Variants in RPS6KA2 observed in about 807,000 individuals in gnomAD.
The protein encoded by RPS6KA2 is ribosomal protein S6 kinase alpha-2.
RPS6KA2 carries 42 observed loss-of-function variants against 91.8 expected under a neutral mutation model. The observed-to-expected ratio is 0.46, with a 90% CI of 0.36 to 0.59. The LOEUF is 0.59. Ranked by LOEUF, RPS6KA2 falls within the 20% of genes least tolerant of loss-of-function variation. The pLI, the probability that RPS6KA2 is intolerant of heterozygous loss-of-function variation, is 0.00. For synonymous variants in RPS6KA2, 414 were observed against 393.6 expected (o/e 1.05, Z -0.61); for missense variants, 798 against 978.5 (o/e 0.82, Z 2.46).
At chr6:166,841,377 G>T (rs542333517) in intron 2 of RPS6KA2, among the ~76,000 whole-genome samples, 1 of 152,392 alleles carries the variant, frequency 6.6e-6, no homozygotes, top group East Asian at 1.9e-4. Flanking sequence ...TTCTTGCCAT[G>T]CTGAGCCAGG....
intron 16 of RPS6KA2, among the ~76,000 whole-genome samples, chr6:166,429,342 A>G (rs1383752941): frequency 6.6e-6 from 1 of 151,158 alleles, no homozygotes; most frequent in Non-Finnish European, 1.5e-5. Flanking sequence ...ATGCTAAATG[A>G]CGAGTTAATG....
chr6:166,610,517 T>A (rs1416625991), intron 1 of RPS6KA2, among the ~76,000 whole-genome samples: 1 of 152,240 alleles, frequency 6.6e-6, no homozygotes, highest in Non-Finnish European at 1.5e-5. Flanking sequence ...CACTTAAATA[T>A]GCATTTAGCA....
chr6:166,518,690 G>T (rs984050933), intron 3 of RPS6KA2, among the ~76,000 whole-genome samples: 1 of 152,226 alleles, frequency 6.6e-6, no homozygotes, highest in African/African-American at 2.4e-5. Flanking sequence ...AACAGGAAAA[G>T]GATGTGTTCA....
chr6:166,451,691 C>T (rs1158142683), intron 12 of RPS6KA2, among the ~76,000 whole-genome samples: 2 of 152,212 alleles, frequency 1.3e-5, no homozygotes, highest in Non-Finnish European at 2.9e-5. Flanking sequence ...CACCCCTGTG[C>T]CCACAGCTGC....
intron 2 of RPS6KA2, among the ~76,000 whole-genome samples, chr6:166,780,762 T>C (rs1441431071): frequency 1.3e-5 from 2 of 152,152 alleles, no homozygotes; most frequent in Admixed American, 6.5e-5. Context: ...CTGTAGAAAA[T>C]ACATAATTGT....
At chr6:166,856,117 A>T (rs1450855041) in intron 2 of RPS6KA2, among the ~76,000 whole-genome samples, 1 of 152,222 alleles carries the variant, frequency 6.6e-6, no homozygotes, top group Non-Finnish European at 1.5e-5. Flanking sequence ...ATTTTCTGTT[A>T]GTTGTATACA....
chr6:166,736,273 C>T (rs1311856153), intron 2 of RPS6KA2, among the ~76,000 whole-genome samples: 1 of 152,162 alleles, frequency 6.6e-6, no homozygotes, highest in East Asian at 1.9e-4. Context: ...TTGTTCTGCT[C>T]TTTCTTGGAT....
chr6:166,604,765 AAGG>A (rs1304769371), intron 1 of RPS6KA2, among the ~76,000 whole-genome samples: 2 of 152,228 alleles, frequency 1.3e-5, no homozygotes, highest in African/African-American at 4.8e-5. Flanking sequence ...GGAGGTAAAG[AAGG>A]AGAAGACTAC....
intron 13 of RPS6KA2, among the ~76,000 whole-genome samples, chr6:166,449,054 T>C (rs1779768148): frequency 6.6e-6 from 1 of 152,210 alleles, no homozygotes; most frequent in South Asian, 2.1e-4. Flanking sequence ...CTCTGATTCC[T>C]TGGGCTATGA....
At chr6:166,820,421 T>A (rs184660193) in intron 2 of RPS6KA2, among the ~76,000 whole-genome samples, 3 of 152,178 alleles carry the variant, frequency 2.0e-5, no homozygotes, top group East Asian at 1.9e-4. Context: ...GTTAAAATTA[T>A]GTTTAGATGA....
intron 2 of RPS6KA2, among the ~76,000 whole-genome samples, chr6:166,676,043 C>T (rs563404748): frequency 1.8e-4 from 27 of 151,936 alleles, no homozygotes; most frequent in South Asian, 1.5e-3. Context: ...AGGCCGGGTG[C>T]GGTGGCTCAT....
chr6:166,681,464 C>T (rs375127959), intron 2 of RPS6KA2, among the ~76,000 whole-genome samples: 207 of 152,302 alleles, frequency 1.4e-3, no homozygotes, highest in African/African-American at 4.4e-3. Context: ...ACCCTCCACA[C>T]GGCATCTCCT....
At chr6:166,728,234 G>T (rs1199211449) in intron 2 of RPS6KA2, among the ~76,000 whole-genome samples, 1 of 152,148 alleles carries the variant, frequency 6.6e-6, no homozygotes. Flanking sequence ...TCATCTGTAC[G>T]AATGGGGCGG....
chr6:166,815,209 T>C (rs1779732815), intron 2 of RPS6KA2, among the ~76,000 whole-genome samples: 1 of 152,214 alleles, frequency 6.6e-6, no homozygotes, highest in African/African-American at 2.4e-5. Flanking sequence ...TAAGAACTAT[T>C]CTGAAGTTGG....
chr6:166,458,513 AACAG>A (rs910261858), intron 12 of RPS6KA2, among the ~76,000 whole-genome samples: 4 of 152,222 alleles, frequency 2.6e-5, no homozygotes, highest in Non-Finnish European at 5.9e-5. Context: ...GCAGTGTGAA[AACAG>A]ACTAATACAG....
chr6:166,567,444 G>A (rs570989701), intron 1 of RPS6KA2, among the ~76,000 whole-genome samples: 18 of 152,352 alleles, frequency 1.2e-4, no homozygotes, highest in African/African-American at 4.1e-4. Context: ...CGTGAGAGCA[G>A]CTGTCAGGGA....
rs10533292 is a variant in RPS6KA2, at chr6:166,492,720, C to CTTTTTTTTTT, written c.748-1989_748-1980dup. Among the ~76,000 whole-genome samples, 2 of 141,168 alleles carry CTTTTTTTTTT rather than the reference C, an allele frequency of 1.4e-5. 1 individual carries two copies. The highest frequency in any genetic ancestry group is 5.4e-5 in the African/African-American group (2 of 36,866). The allele number at this position is 141,168 out of a possible 152,430, so 92.6% of individuals were successfully genotyped here. A position where few individuals can be genotyped will look rare whatever the true frequency, so the allele number is the denominator to read the frequency against. ...TTGTTTGGTGATTTCTTTTTCTTTT[C>CTTTTTTTTTT]TTTTTTTTTTTTTTTGAGATGGAGT... On this transcript the variant is annotated intron_variant, in intron 8 of 20. Transcript: ENST00000265678.
At chr6:166,606,674 T>C (rs1785966890) in intron 1 of RPS6KA2, among the ~76,000 whole-genome samples, 1 of 152,216 alleles carries the variant, frequency 6.6e-6, no homozygotes, top group Non-Finnish European at 1.5e-5. Flanking sequence ...TTTTTAAAAA[T>C]GGGCTAGTGA....
rs555623652 is a variant in RPS6KA2, at chr6:166,666,614, T to C, written c.124-127830A>G. On this transcript the variant is annotated intron_variant, in intron 2 of 21. Coordinates refer to the RPS6KA2 transcript ENST00000503859. This position sits in a 1 kb window ranked among gnomAD's most constrained non-coding sequence, Gnocchi z 4.0. ...GATAGCTACATCAAAACAAATAGCATAATGAGTGTTGGCGAGGGTGCTGAA... is the reference window on the plus strand; with the variant it reads ...GATAGCTACATCAAAACAAATAGCACAATGAGTGTTGGCGAGGGTGCTGAA... Among the ~76,000 whole-genome samples the C allele has an allele frequency of 1.3e-5, 2 of 152,324 alleles. No individual in the cohort carries two copies. The highest frequency in any genetic ancestry group is 4.1e-4 in the South Asian group (2 of 4,828).
Sources: gnomAD v4.1 joint callset for allele counts (sites outside exome capture counted in the v4.1 genomes callset) on GRCh38, gnomAD v4.1.1 for gene constraint, Gnocchi (gnomAD v3.1) non-coding constraint, MANE v1.5 for transcripts, NCBI Gene and HGNC (gene_info 2026-07-23, HGNC 2026-07-21) for gene names.